Variants in ADK observed in about 807,000 individuals in gnomAD.
ADK encodes N6,N6-dimethyladenosine kinase.
In ADK, 24 loss-of-function variants were observed where a neutral mutation model predicts 44.7. That is an observed-to-expected ratio of 0.54 (90% confidence interval 0.39 to 0.76). The LOEUF (loss-of-function observed/expected upper bound fraction) is 0.76, where lower values mean the gene tolerates loss of function less well. Ranked by LOEUF, ADK falls within the 30% of genes least tolerant of loss-of-function variation. The pLI, the probability that ADK is intolerant of heterozygous loss-of-function variation, is 0.00. For synonymous variants in ADK, 128 were observed against 142.6 expected (o/e 0.90, Z 0.73); for missense variants, 321 against 425.1 (o/e 0.76, Z 2.15).
At chr10:74,300,423 C>T (rs947286230) in intron 3 of ADK, among the ~76,000 whole-genome samples, 2 of 151,470 alleles carry the variant, frequency 1.3e-5, no homozygotes, top group Non-Finnish European at 2.9e-5. Context: ...GTCACGCAGG[C>T]TGGAGTGCGG....
intron 1 of ADK, among the ~76,000 whole-genome samples, chr10:74,154,354 T>G (rs917523560): frequency 1.3e-5 from 2 of 152,178 alleles, no homozygotes; most frequent in African/African-American, 4.8e-5. Flanking sequence ...CTGCAACCTC[T>G]GCCTCCTGGG....
rs556908116 is a variant in ADK at position 74,381,234 on chromosome 10, C to T, written c.274-12907C>T. On this transcript the variant is annotated intron_variant, in intron 4 of 10. Coordinates refer to ENST00000539909, the MANE Select transcript of ADK (RefSeq NM_006721.4). ...AATCATAGCCAAAAGAGTGTACTTTCGTAGATCTGTCAAGCAGAAAGTTAA... is the reference window on the plus strand; with the variant it reads ...AATCATAGCCAAAAGAGTGTACTTTTGTAGATCTGTCAAGCAGAAAGTTAA... Among the ~76,000 whole-genome samples, 28 of 152,160 alleles carry T rather than the reference C, an allele frequency of 1.8e-4. No homozygotes were observed. In the South Asian group the frequency reaches 5.2e-3, roughly 28 times the overall value.
intron 1 of ADK, among the ~76,000 whole-genome samples, chr10:74,177,229 C>A (rs961202481): frequency 6.6e-5 from 10 of 152,002 alleles, no homozygotes; most frequent in Admixed American, 1.3e-4. Context: ...GGGAGCGTGG[C>A]GTGCACAGTG....
intron 2 of ADK, among the ~76,000 whole-genome samples, chr10:74,204,693 G>C (rs578228638): frequency 2.0e-5 from 3 of 152,028 alleles, no homozygotes; most frequent in Non-Finnish European, 2.9e-5. Flanking sequence ...AGTTCTTTTG[G>C]TTACCTTGTA....
intron 9 of ADK, among the ~76,000 whole-genome samples, chr10:74,623,739 A>G (rs758301844): frequency 6.6e-6 from 1 of 151,686 alleles, no homozygotes; most frequent in Non-Finnish European, 1.5e-5. Context: ...ATATATACAC[A>G]CACATTAGTC....
At chr10:74,420,937 C>T (rs915829358) in intron 6 of ADK, among the ~76,000 whole-genome samples, 20 of 152,008 alleles carry the variant, frequency 1.3e-4, no homozygotes, top group South Asian at 2.1e-4. Flanking sequence ...ATTTTTAGGG[C>T]GATGTACTGT....
intron 3 of ADK, among the ~76,000 whole-genome samples, chr10:74,240,540 GT>G (rs1338445757): frequency 1.3e-5 from 2 of 151,352 alleles, no homozygotes; most frequent in East Asian, 3.9e-4. Context: ...ATAAAATTAT[GT>G]TTTTTAAAGG....
intron 7 of ADK, among the ~76,000 whole-genome samples, chr10:74,572,187 A>G (rs889747935): frequency 2.0e-5 from 3 of 152,124 alleles, no homozygotes; most frequent in African/African-American, 7.2e-5. Context: ...GAGCTCTTTT[A>G]GGGCAGGCCT....
At chr10:74,664,272 G>A (rs780241130) in intron 9 of ADK, among the ~76,000 whole-genome samples, 1 of 152,168 alleles carries the variant, frequency 6.6e-6, no homozygotes, top group Non-Finnish European at 1.5e-5. Context: ...ATGATCCAGA[G>A]TAGCCTAGAT....
intron 3 of ADK, among the ~76,000 whole-genome samples, chr10:74,310,726 G>C (rs1301567839): frequency 6.6e-6 from 1 of 152,146 alleles, no homozygotes; most frequent in African/African-American, 2.4e-5. Context: ...TTATTAGCCT[G>C]ATAGTTACCT....
intron 4 of ADK, among the ~76,000 whole-genome samples, chr10:74,333,940 G>T (rs1376975326): frequency 6.6e-6 from 1 of 151,902 alleles, no homozygotes; most frequent in Non-Finnish European, 1.5e-5. Context: ...TTCTAGAAAA[G>T]AAATTCTTTT....
At chr10:74,176,120 T>A (rs1842329079) in intron 1 of ADK, among the ~76,000 whole-genome samples, 2 of 152,234 alleles carry the variant, frequency 1.3e-5, no homozygotes, top group Admixed American at 1.3e-4. Context: ...AAAATACCGA[T>A]GTCCAGGCCT....
At chr10:74,204,222 T>A (rs1843508610) in intron 2 of ADK, among the ~76,000 whole-genome samples, 1 of 152,200 alleles carries the variant, frequency 6.6e-6, no homozygotes, top group African/African-American at 2.4e-5. Flanking sequence ...CCCAAAGTTA[T>A]GGGATTATAG....
At chr10:74,644,228 T>C (rs1853979775) in intron 9 of ADK, among the ~76,000 whole-genome samples, 2 of 152,194 alleles carry the variant, frequency 1.3e-5, no homozygotes, top group Admixed American at 1.3e-4. Context: ...TGACCAGGCA[T>C]CTGTACCACA....
intron 7 of ADK, among the ~76,000 whole-genome samples, chr10:74,575,296 A>G (rs1447339088): frequency 6.6e-6 from 1 of 152,222 alleles, no homozygotes; most frequent in Non-Finnish European, 1.5e-5. Flanking sequence ...AGAATGTATA[A>G]TCTAGTAGAG....
intron 4 of ADK, among the ~76,000 whole-genome samples, chr10:74,341,081 G>A (rs1219820737): frequency 6.6e-6 from 1 of 152,046 alleles, no homozygotes; most frequent in Non-Finnish European, 1.5e-5. Context: ...TCATTTCATT[G>A]TGCTATAGTT....
intron 6 of ADK, among the ~76,000 whole-genome samples, chr10:74,519,129 C>T (rs753341475): frequency 2.0e-5 from 3 of 151,340 alleles, no homozygotes; most frequent in African/African-American, 7.3e-5. Flanking sequence ...AATTATATAC[C>T]GTATTAGACA....
intron 7 of ADK, among the ~76,000 whole-genome samples, chr10:74,560,090 T>A (rs556950209): frequency 1.6e-4 from 25 of 152,212 alleles, no homozygotes; most frequent in South Asian, 1.2e-3. Context: ...ATAATTTTTT[T>A]AAAAAATTTT....
intron 3 of ADK, among the ~76,000 whole-genome samples, chr10:74,299,672 T>C (rs1442223609): frequency 2.6e-5 from 4 of 151,540 alleles, no homozygotes; most frequent in Admixed American, 2.6e-4. Flanking sequence ...TCTACAAAGT[T>C]TGTGAAACTA....
Sources: gnomAD v4.1 joint callset for allele counts (sites outside exome capture counted in the v4.1 genomes callset) on GRCh38, gnomAD v4.1.1 for gene constraint, MANE v1.5 for transcripts, NCBI Gene and HGNC (gene_info 2026-07-23, HGNC 2026-07-21) for gene names.